Variants in PTPRB observed in about 807,000 individuals in gnomAD.
PTPRB encodes receptor-type tyrosine-protein phosphatase beta.
PTPRB carries 97 observed loss-of-function variants against 238.1 expected under a neutral mutation model. The ratio of observed to expected loss-of-function variants is 0.41; its 90% CI spans 0.35 to 0.48. PTPRB has a LOEUF of 0.48. Among genes scored for constraint, PTPRB ranks in the 20% least tolerant of loss-of-function variants. The pLI, the probability that PTPRB is intolerant of heterozygous loss-of-function variation, is 0.30. For synonymous variants in PTPRB, 970 were observed against 995.4 expected (o/e 0.97, Z 0.48); for missense variants, 2,292 against 2,681.9 (o/e 0.85, Z 3.21).
intron 4 of PTPRB, among the ~76,000 whole-genome samples, chr12:70,602,041 C>T (rs1883554373): frequency 1.3e-5 from 2 of 152,130 alleles, no homozygotes; most frequent in African/African-American, 2.4e-5. Flanking sequence ...GTGATCTGCC[C>T]ACCTCGGCCT....
chr12:70,543,932 A>C (rs1179725048), intron 22 of PTPRB, among the ~76,000 whole-genome samples: 1 of 152,228 alleles, frequency 6.6e-6, no homozygotes. Flanking sequence ...AAGTTATCCC[A>C]TGTAAAATGC....
intron 9 of PTPRB, chr12:70,584,861 G>A (rs1490369962): frequency 6.6e-6 from 1 of 151,776 alleles, no homozygotes; most frequent in African/African-American, 2.4e-5. Flanking sequence ...AATCTAAACA[G>A]ATGTTGACTA....
At chr12:70,602,889 G>C (rs901669190) in intron 4 of PTPRB, among the ~76,000 whole-genome samples, 1 of 152,096 alleles carries the variant, frequency 6.6e-6, no homozygotes, top group Non-Finnish European at 1.5e-5. Flanking sequence ...ATGTTTAGGG[G>C]TATATGCATC....
Position 70,590,250 on chromosome 12 carries a change from T to C in PTPRB, c.1781-17A>G. Reference sequence around the variant, plus strand: ...TGTCTGGAACTAAACGGTGAAATGATGTCAAAAAGGAGATATTACAGACCA... The same window carrying C: ...TGTCTGGAACTAAACGGTGAAATGACGTCAAAAAGGAGATATTACAGACCA... On this transcript the variant is annotated splice_polypyrimidine_tract_variant and intron_variant, in intron 7 of 33. Coordinates refer to ENST00000334414, the MANE Select transcript of PTPRB (RefSeq NM_001109754.4). 2.0e-6 allele frequency: 3 copies of C among 1,529,536 alleles called. No individual in the cohort carries two copies. Among genetic ancestry groups the C allele is most frequent in the Non-Finnish European group, 2.6e-6 (3 of 1,138,924 alleles). The allele number at this position is 1,529,536 out of a possible 1,614,324, so 94.7% of individuals were successfully genotyped here.
In PTPRB at chr12:70,532,078, A is replaced by G. The variant is rs377061210; in HGVS notation, c.6461T>C (p.Val2154Ala). Reference protein sequence around the residue: ...SKDSVDIYGAVHDLRLHRVHM... With the variant: ...SKDSVDIYGAAHDLRLHRVHM... ...AACCCTGTGAAGTCTTAGGTCGTGC[A>G]CTGCTCCATAAATGTCCACAGAGTC... Residue 2154 changes from valine to alanine, a missense_variant, in exon 32 of 34, where the codon GTG (valine) becomes GCG (alanine). Coordinates refer to ENST00000334414, the MANE Select transcript of PTPRB (RefSeq NM_001109754.4). 3.5e-5 allele frequency: 57 copies of G among 1,613,862 alleles called. No homozygotes were observed. The highest frequency in any genetic ancestry group is 4.6e-5 in the Non-Finnish European group (54 of 1,179,904).
chr12:70,601,026 C>G (rs1883434548), intron 4 of PTPRB, among the ~76,000 whole-genome samples: 2 of 152,116 alleles, frequency 1.3e-5, no homozygotes, highest in African/African-American at 2.4e-5. Context: ...TGCCACCACG[C>G]CCAGCTAATT....
At chr12:70,609,780 A>T in intron 3 of PTPRB, 1 of 1,587,638 alleles carries the variant, frequency 6.3e-7, no homozygotes, top group South Asian at 1.2e-5. Flanking sequence ...GCTCAGTGTG[A>T]TCCACAAGGC....
At chr12:70,531,165 G>T (rs80138888) in intron 32 of PTPRB, among the ~76,000 whole-genome samples, 134 of 152,294 alleles carry the variant, frequency 8.8e-4, no homozygotes, top group African/African-American at 3.1e-3. Flanking sequence ...GGATTAGTGG[G>T]TTCAATAAAG....
chr12:70,544,468 TC>T (rs1364269487), intron 22 of PTPRB, 88 bp downstream of exon 22: 3 of 873,606 alleles, frequency 3.4e-6, no homozygotes, highest in Non-Finnish European at 5.5e-6. Context: ...AAATAAATGT[TC>T]CCCCCACCAT....
chr12:70,577,296 T>C (rs1171797173), intron 10 of PTPRB, among the ~76,000 whole-genome samples: 2 of 152,188 alleles, frequency 1.3e-5, no homozygotes, highest in Non-Finnish European at 2.9e-5. Flanking sequence ...GAGAGAACTG[T>C]TATGGCGATA....
intron 3 of PTPRB, chr12:70,609,800 T>A (rs751049383): frequency 6.3e-7 from 1 of 1,586,946 alleles, no homozygotes; most frequent in South Asian, 1.2e-5. Flanking sequence ...CCAACCCGGC[T>A]CCATGGCTCA....
intron 3 of PTPRB, among the ~76,000 whole-genome samples, chr12:70,618,475 A>AC (rs1884775787): frequency 6.6e-6 from 1 of 152,330 alleles, no homozygotes; most frequent in South Asian, 2.1e-4. Flanking sequence ...CAGAGTGAGT[A>AC]CCCATAACTA....
chr12:70,622,459 G>A lies in PTPRB; in HGVS notation c.639C>T (p.His213=), dbSNP rs764022339. The A allele has an allele frequency of 4.3e-6, 7 of 1,613,242 alleles. No homozygotes were observed. The highest frequency in any genetic ancestry group is 1.1e-5 in the South Asian group (1 of 91,064). Residue 213 remains histidine (H), a synonymous_variant, in exon 3 of 34, where the codon CAC becomes CAT. Coordinates refer to ENST00000334414, the MANE Select transcript of PTPRB (RefSeq NM_001109754.4). ...ATGATGTGTCTGTAATTCCAGTCAT[G>A]TGCAGATTGGGATGCTGCCTCTCGC... ...NSSERQHPNL[H]MTGITDTSWV...
intron 8 of PTPRB, among the ~76,000 whole-genome samples, chr12:70,587,598 T>C (rs1882048705): frequency 6.6e-6 from 1 of 152,168 alleles, no homozygotes; most frequent in Middle Eastern, 3.2e-3. Flanking sequence ...GAAAAGTTCC[T>C]GTTTAAGTAT....
Position 70,540,843 on chromosome 12 carries a change from G to C in PTPRB, c.5594+15C>G. On this transcript the variant is annotated intron_variant, in intron 23 of 33. Transcript: ENST00000334414. ...AAGTTGTGGGTCCAATCACCAAAAG[G>C]ATCTTTGTACTTACCTCACTTTCTG... The C allele has an allele frequency of 6.3e-7, 1 of 1,576,354 alleles. No individual in the cohort carries two copies.
intron 2 of PTPRB, among the ~76,000 whole-genome samples, chr12:70,629,365 G>A (rs1020763088): frequency 1.3e-5 from 2 of 152,102 alleles, no homozygotes; most frequent in African/African-American, 4.8e-5. Context: ...ATAACAAAAT[G>A]AAGGCAGAAA....
At chr12:70,596,353 A>C in intron 4 of PTPRB, 26 bp from the exon 5 acceptor site, 1 of 1,196,368 alleles carries the variant, frequency 8.4e-7, no homozygotes, top group Non-Finnish European at 1.0e-6. Flanking sequence ...ACACACACAC[A>C]CAAAAAAAAA....
At chr12:70,599,488 T>C (rs1014043208) in intron 4 of PTPRB, among the ~76,000 whole-genome samples, 2 of 152,032 alleles carry the variant, frequency 1.3e-5, no homozygotes, top group African/African-American at 4.8e-5. Flanking sequence ...ATAAATCAAA[T>C]CAAAAAATAA....
At chr12:70,530,509 TACAC>T (rs1367677546) in intron 32 of PTPRB, among the ~76,000 whole-genome samples, 57 of 152,236 alleles carry the variant, frequency 3.7e-4, no homozygotes, top group African/African-American at 1.2e-3. Context: ...CATATATACA[TACAC>T]ACGTGTACAC....
Sources: allele counts gnomAD v4.1 joint callset (sites outside exome capture counted in the v4.1 genomes callset), GRCh38; gene constraint gnomAD v4.1.1; transcripts MANE v1.5; gene names NCBI Gene and HGNC (gene_info 2026-07-23, HGNC 2026-07-21).